The following MED15 variants were observed in gnomAD, a reference collection of about 807,000 sequenced individuals.
The protein encoded by MED15 is mediator complex subunit 15.
MED15 carries 41 observed loss-of-function variants against 118.7 expected under a neutral mutation model. The ratio of observed to expected loss-of-function variants is 0.35; its 90% CI spans 0.27 to 0.45. MED15 has a LOEUF of 0.45. Among genes scored for constraint, MED15 ranks in the 20% least tolerant of loss-of-function variants. The pLI is 1.00. For synonymous variants in MED15, 436 were observed against 413.9 expected, an observed-to-expected ratio of 1.05 and a Z score of -0.65; for missense variants, 740 against 1,025.5, an observed-to-expected ratio of 0.72 and a Z score of 3.80.
At chr22:20,555,293 G>A (rs1315374239) in intron 5 of MED15, 145 bp downstream of exon 5, 11 of 975,980 alleles carry the variant, frequency 1.1e-5, no homozygotes, top group Non-Finnish European at 1.5e-5. Context: ...TTTGTTGTAT[G>A]TGGAGAGAAA....
intron 1 of MED15, among the ~76,000 whole-genome samples, chr22:20,532,464 C>G (rs989666656): frequency 6.6e-6 from 1 of 152,168 alleles, no homozygotes. Context: ...AATGATGAAT[C>G]GGTCCCCTGG....
At position 20,575,041 on chromosome 22, in the gene MED15, C is replaced by T. The variant is rs538840713; in HGVS notation, c.1153-72C>T. 9 of 1,597,312 alleles carry T rather than the reference C, an allele frequency of 5.6e-6. No individual in the cohort carries two copies. The East Asian group carries it at 2.0e-4, about 36-fold the overall frequency. ...CTCCTTCTTGCAGAGGCTACACGTGCCCTCTCCACCTGCCCAGGCACTGAG... is the reference window on the plus strand; with the variant it reads ...CTCCTTCTTGCAGAGGCTACACGTGTCCTCTCCACCTGCCCAGGCACTGAG... On this transcript the variant is annotated intron_variant, in intron 8 of 17. Coordinates refer to ENST00000263205, the MANE Select transcript of MED15 (RefSeq NM_001003891.3).
chr22:20,554,700 T>A lies in MED15; in HGVS notation c.239-236T>A, dbSNP rs117265185. ...AGAGAGGTCATTTGTCCCTTAACAT[T>A]AGGACTCTGGTCCAGGCCAGGCTAG... On this transcript the variant is annotated intron_variant, in intron 4 of 17. Transcript: ENST00000263205. The A allele has an allele frequency of 4.2e-4, 182 of 428,236 alleles. 1 individual carries two copies. The East Asian group carries it at 6.5e-3, about 15-fold the overall frequency. The allele number at this position is 428,236 out of a possible 1,614,324, so 26.5% of individuals were successfully genotyped here. A position where few individuals can be genotyped will look rare whatever the true frequency, so the allele number is the denominator to read the frequency against.
chr22:20,573,452 A>G (rs904576170), intron 8 of MED15, among the ~76,000 whole-genome samples: 1 of 152,018 alleles, frequency 6.6e-6, no homozygotes, highest in Non-Finnish European at 1.5e-5. Flanking sequence ...ACCCTGGAGG[A>G]CCCTCTCTCT....
At chr22:20,547,701 T>G (rs951288545) in intron 2 of MED15, among the ~76,000 whole-genome samples, 2 of 152,124 alleles carry the variant, frequency 1.3e-5, no homozygotes, top group Non-Finnish European at 2.9e-5. Flanking sequence ...GCGCCTGTAG[T>G]GCCAGCTACT....
In MED15 at chr22:20,582,067, G is replaced by A. The variant is rs560625209; in HGVS notation, c.1273-544G>A. On this transcript the variant is annotated intron_variant, in intron 9 of 17. Coordinates refer to ENST00000263205, the MANE Select transcript of MED15 (RefSeq NM_001003891.3). ...CCTCACTCCAATTAAGCAGGTCCAG[G>A]TGGGACAGCCTGGGACCAGCCCTGC... is the stretch of plus-strand genomic sequence containing the variant. 4.4e-5 allele frequency: 7 copies of A among 160,606 alleles called. No individual in the cohort carries two copies. In the South Asian group the frequency reaches 1.2e-3, roughly 27 times the overall value. The allele number at this position is 160,606 out of a possible 1,614,324, so 9.9% of individuals were successfully genotyped here. A position where few individuals can be genotyped will look rare whatever the true frequency, so the allele number is the denominator to read the frequency against.
intron 1 of MED15, among the ~76,000 whole-genome samples, chr22:20,513,361 C>T (rs1345070403): frequency 6.6e-6 from 1 of 151,786 alleles, no homozygotes; most frequent in East Asian, 1.9e-4. Flanking sequence ...CTCACTGCAA[C>T]CTCTGCCTCC....
chr22:20,525,725 G>A (rs141994484), intron 1 of MED15, among the ~76,000 whole-genome samples: 5,653 of 151,090 alleles, frequency 0.037, 339 homozygotes, highest in African/African-American at 0.13. Context: ...TAGTAGAGAC[G>A]GGGTTTCTCC....
chr22:20,575,688 A>G (rs2146642378), intron 9 of MED15, among the ~76,000 whole-genome samples: 1 of 151,994 alleles, frequency 6.6e-6, no homozygotes, highest in East Asian at 1.9e-4. Context: ...CCTGGTTCAC[A>G]TAGCGACATA....
chr22:20,544,899 G>A (rs5757984), intron 2 of MED15, among the ~76,000 whole-genome samples: 122,003 of 152,028 alleles, frequency 0.8, 49,003 homozygotes, highest in East Asian at 0.86. Flanking sequence ...CCATCTTCAC[G>A]TCGCCTTCTC....
intron 1 of MED15, among the ~76,000 whole-genome samples, chr22:20,520,880 C>T (rs998938810): frequency 9.2e-5 from 14 of 152,004 alleles, no homozygotes; most frequent in Admixed American, 3.3e-4. Context: ...GCTGGTACTA[C>T]AGGTGCTCAC....
intron 1 of MED15, among the ~76,000 whole-genome samples, chr22:20,530,622 A>T (rs910545388): frequency 2.6e-5 from 4 of 152,076 alleles, no homozygotes; most frequent in African/African-American, 9.7e-5. Context: ...GAGAGGCCTC[A>T]CTGAGAGGGG....
chr22:20,543,759 T>C (rs2055414937), intron 2 of MED15, among the ~76,000 whole-genome samples: 1 of 151,880 alleles, frequency 6.6e-6, no homozygotes, highest in South Asian at 2.1e-4. Context: ...GATTTCACCA[T>C]GTTGGCCAGG....
intron 2 of MED15, among the ~76,000 whole-genome samples, chr22:20,544,209 C>T (rs532915399): frequency 2.6e-5 from 4 of 152,268 alleles, no homozygotes; most frequent in African/African-American, 9.6e-5. Flanking sequence ...TTCAAGGAAA[C>T]CTAGGCCTTT....
At chr22:20,585,358 C>A in intron 16 of MED15, 91 bp downstream of exon 16, 1 of 1,502,874 alleles carries the variant, frequency 6.7e-7, no homozygotes, top group East Asian at 2.3e-5. Context: ...GGCACAGCGC[C>A]CAGAACCCAC....
chr22:20,527,067 C>T (rs575723320), intron 1 of MED15, among the ~76,000 whole-genome samples: 1 of 152,284 alleles, frequency 6.6e-6, no homozygotes, highest in African/African-American at 2.4e-5. Context: ...GCTTGTGCTT[C>T]TGTCTCCTGA....
chr22:20,537,089 A>G, intron 1 of MED15, 28 bp from the exon 2 acceptor site: 1 of 1,607,600 alleles, frequency 6.2e-7, no homozygotes, highest in South Asian at 1.1e-5. Context: ...TGGTGTGTGC[A>G]AACGTCTCTT....
At chr22:20,539,509 AC>A (rs1224739263) in intron 2 of MED15, among the ~76,000 whole-genome samples, 16 of 152,260 alleles carry the variant, frequency 1.1e-4, no homozygotes, top group African/African-American at 3.9e-4. Context: ...CATAGTTTCT[AC>A]TTTTTGGTTA....
intron 17 of MED15, among the ~76,000 whole-genome samples, 181 bp downstream of exon 17, chr22:20,586,007 C>T (rs1320296113): frequency 4.6e-5 from 7 of 152,194 alleles, no homozygotes; most frequent in Non-Finnish European, 1.0e-4. Flanking sequence ...CAGTGGTCGC[C>T]TGAGAGAAAA....
Sources: gnomAD v4.1 joint callset for allele counts (sites outside exome capture counted in the v4.1 genomes callset) on GRCh38, gnomAD v4.1.1 for gene constraint, MANE v1.5 for transcripts, NCBI Gene and HGNC (gene_info 2026-07-23, HGNC 2026-07-21) for gene names.